The following MYLK4 variants were observed in gnomAD, a reference collection of about 807,000 sequenced individuals.
MYLK4 encodes the protein myosin light chain kinase family member 4, also known as caMLCK like.
MYLK4 carries 46 observed loss-of-function variants against 48.1 expected under a neutral mutation model. That is an observed-to-expected ratio of 0.96 (90% CI 0.75 to 1.22). MYLK4 has a LOEUF of 1.22. MYLK4 is among the 50% of genes most tolerant of loss of function. The probability of loss-of-function intolerance (pLI) is 0.00; values close to 1 mark genes in which losing one functional copy is unlikely to be tolerated. For missense variants in MYLK4, 451 were observed against 486.1 expected, an observed-to-expected ratio of 0.93 and a Z score of 0.68; for synonymous variants, 170 against 180.8, an observed-to-expected ratio of 0.94 and a Z score of 0.48.
Position 2,665,737 on chromosome 6 carries a change from CT to C in MYLK4, c.*2187del, listed in dbSNP as rs1291724957. The C allele has an allele frequency of 1.3e-5, 2 of 152,192 alleles. No homozygotes were observed. Among genetic ancestry groups the C allele is most frequent in the African/African-American group, 4.8e-5 (2 of 41,444 alleles). The allele number at this position is 152,192 out of a possible 1,614,324, so 9.4% of individuals were successfully genotyped here. A position where few individuals can be genotyped will look rare whatever the true frequency, so the allele number is the denominator to read the frequency against. On this transcript the variant is annotated 3_prime_UTR_variant, in exon 13 of 13. Transcript: ENST00000274643. The stretch of plus-strand genomic sequence containing the variant: ...TGCACACCACAGGACAGAAAACGCC[CT>C]GCCACGAGGGGCTTCAAATCAGACC...
At chr6:2,762,155 C>T in the MYLK4 span, among the ~76,000 whole-genome samples, 5 of 152,284 alleles carry the variant, frequency 3.3e-5, no homozygotes, top group Admixed American at 6.5e-5. Flanking sequence ...TGTGATTCGC[C>T]CGCCTCAGCC....
Position 2,738,171 on chromosome 6 carries a change from G to A in MYLK4, c.159+10965C>T, listed in dbSNP as rs116704894. 5.0e-3 allele frequency among the ~76,000 whole-genome samples: 763 copies of A among 152,228 alleles called. 9 individuals are homozygous for A. The highest frequency in any genetic ancestry group is 0.017 in the African/African-American group (716 of 41,528). On this transcript the variant is annotated intron_variant, in intron 2 of 12. Coordinates refer to ENST00000274643, the MANE Select transcript of MYLK4 (RefSeq NM_001012418.5). ...TCTCATTATTAGGCAAAACATGTGA[G>A]TAGGCAACCCTGCAAAACTAGCAAG... is the stretch of plus-strand genomic sequence containing the variant.
intron 6 of MYLK4, among the ~76,000 whole-genome samples, chr6:2,683,420 T>G (rs1761403098): frequency 6.9e-6 from 1 of 144,538 alleles, no homozygotes; most frequent in Non-Finnish European, 1.5e-5. Flanking sequence ...TGTGTGTGTG[T>G]GTGTGTGTGT....
rs114010409 is a variant in MYLK4 at position 2,695,580 on chromosome 6, A to T, written c.160-2721T>A. 3.6e-3 allele frequency among the ~76,000 whole-genome samples: 551 copies of T among 152,314 alleles called. 4 individuals carry two copies. Among genetic ancestry groups the T allele is most frequent in the African/African-American group, 0.013 (531 of 41,566 alleles). ...AATTATATATCACATATGTTTTTCC[A>T]TTTAAATAATGTAAGAAGGCCTTTA... On this transcript the variant is annotated intron_variant, in intron 2 of 12. Transcript: ENST00000274643.
At chr6:2,691,694 T>A (rs528476515) in intron 3 of MYLK4, among the ~76,000 whole-genome samples, 2 of 152,354 alleles carry the variant, frequency 1.3e-5, no homozygotes, top group South Asian at 4.1e-4. Flanking sequence ...ACTGTTTTAC[T>A]TCATCTTTAA....
the MYLK4 span, among the ~76,000 whole-genome samples, chr6:2,765,196 C>T: frequency 1.1e-5 from 1 of 89,232 alleles, no homozygotes; most frequent in Admixed American, 1.1e-4. Context: ...CCCCCCCCGC[C>T]CCTCCCCCGC....
chr6:2,692,231 T>C (rs981134897), intron 3 of MYLK4, among the ~76,000 whole-genome samples: 4 of 152,250 alleles, frequency 2.6e-5, no homozygotes, highest in African/African-American at 7.2e-5. Flanking sequence ...GTGCATGAAA[T>C]GTCTGTTCCA....
intron 2 of MYLK4, among the ~76,000 whole-genome samples, chr6:2,712,105 A>G (rs1762695424): frequency 6.6e-6 from 1 of 152,174 alleles, no homozygotes; most frequent in Admixed American, 6.5e-5. Context: ...AAGCACCACC[A>G]TGTTTCCACT....
chr6:2,726,628 T>G (rs985948669), intron 2 of MYLK4, among the ~76,000 whole-genome samples: 1 of 54,970 alleles, frequency 1.8e-5, no homozygotes, highest in African/African-American at 6.9e-5. Flanking sequence ...TTTTTTTTTT[T>G]TGAGACAGAG....
intron 2 of MYLK4, among the ~76,000 whole-genome samples, chr6:2,729,436 G>C (rs1380604611): frequency 6.6e-6 from 1 of 152,242 alleles, no homozygotes; most frequent in East Asian, 1.9e-4. Context: ...CACCTCTCCA[G>C]ATACGCAACA....
intron 2 of MYLK4, among the ~76,000 whole-genome samples, chr6:2,698,858 T>G (rs1323219055): frequency 6.6e-6 from 1 of 152,146 alleles, no homozygotes; most frequent in African/African-American, 2.4e-5. Context: ...TAAAAGGAAT[T>G]CTCACTAAGC....
At chr6:2,765,888 C>T in the MYLK4 span, 14 of 1,451,976 alleles carry the variant, frequency 9.6e-6, no homozygotes, top group Admixed American at 2.9e-4. Flanking sequence ...CCGACGGCAG[C>T]CGAGAGCAGC....
intron 9 of MYLK4, among the ~76,000 whole-genome samples, chr6:2,678,708 T>C (rs550770667): frequency 7.3e-6 from 1 of 137,394 alleles, no homozygotes; most frequent in African/African-American, 2.7e-5. Context: ...ATTTAGGAGA[T>C]CAGTTTTTTT....
intron 2 of MYLK4, among the ~76,000 whole-genome samples, chr6:2,733,475 T>A (rs115584526): frequency 0.016 from 2,358 of 151,836 alleles, 54 homozygotes; most frequent in African/African-American, 0.053. Context: ...GAGCATGGAG[T>A]GTTCACTCAG....
intron 2 of MYLK4, among the ~76,000 whole-genome samples, chr6:2,701,792 C>T (rs1762290786): frequency 6.6e-6 from 1 of 152,204 alleles, no homozygotes; most frequent in South Asian, 2.1e-4. Context: ...TCCCCACCAC[C>T]CACCCAATCA....
In MYLK4 at chr6:2,692,858, G is replaced by A. The variant is rs142911273; in HGVS notation, c.161C>T (p.Ala54Val). ...GTCGGCGTTTGACCACACCTCCTTCGCCTGTGGAGGCACAATTGAGTAATT... is the reference window on the plus strand; with the variant it reads ...GTCGGCGTTTGACCACACCTCCTTCACCTGTGGAGGCACAATTGAGTAATT... ...DQDSRSGHNE[A>V]KEVWSNADLT... Residue 54 changes from alanine (A) to valine (V), a missense_variant and splice_region_variant, in exon 3 of 13, where the codon GCG becomes GTG. Coordinates refer to ENST00000274643, the MANE Select transcript of MYLK4 (RefSeq NM_001012418.5). 145 of 1,611,982 alleles carry A rather than the reference G, an allele frequency of 9.0e-5. No homozygotes were observed. The highest frequency in any genetic ancestry group is 2.0e-4 in the African/African-American group (15 of 74,878).
At chr6:2,694,160 C>CTG (rs1400635995) in intron 2 of MYLK4, among the ~76,000 whole-genome samples, 1 of 152,100 alleles carries the variant, frequency 6.6e-6, no homozygotes, top group African/African-American at 2.4e-5. Context: ...TTTAGTAAAT[C>CTG]TGTGGAAAGC....
At chr6:2,697,375 C>A (rs545172327) in intron 2 of MYLK4, among the ~76,000 whole-genome samples, 1 of 152,212 alleles carries the variant, frequency 6.6e-6, no homozygotes, top group Non-Finnish European at 1.5e-5. Context: ...TCATCGCTTG[C>A]GTGCCAGTTT....
chr6:2,737,492 T>C (rs1763719805), intron 2 of MYLK4, among the ~76,000 whole-genome samples: 1 of 152,204 alleles, frequency 6.6e-6, no homozygotes, highest in Non-Finnish European at 1.5e-5. Flanking sequence ...TCTGTTCACA[T>C]CCTTAGAGGA....
Sources: allele counts gnomAD v4.1 joint callset (sites outside exome capture counted in the v4.1 genomes callset), GRCh38; gene constraint gnomAD v4.1.1; transcripts MANE v1.5; gene names NCBI Gene and HGNC (gene_info 2026-07-23, HGNC 2026-07-21).